SBF2: variants seen among roughly 807,000 people sequenced by gnomAD.
SBF2 encodes SET binding factor 2, also known as myotubularin-related protein 13.
A neutral mutation model predicts 225.2 loss-of-function variants in SBF2; 112 were observed. The ratio of observed to expected loss-of-function variants is 0.50; its 90% CI spans 0.43 to 0.58. SBF2 has a LOEUF of 0.58. SBF2 is among the 20% of genes least tolerant of loss of function. SBF2 has a pLI of 0.00. For missense variants in SBF2, 1,996 were observed against 2,206.2 expected (o/e 0.90, Z 1.91); for synonymous variants, 763 against 773.3 (o/e 0.99, Z 0.22).
chr11:10,144,154 C>A (rs377757251), intron 2 of SBF2, among the ~76,000 whole-genome samples: 1 of 152,148 alleles, frequency 6.6e-6, no homozygotes, highest in Non-Finnish European at 1.5e-5. Flanking sequence ...AATATATGCA[C>A]GTAGCCAAAA....
chr11:9,865,244 C>G (rs1196156289), intron 17 of SBF2, among the ~76,000 whole-genome samples: 1 of 152,050 alleles, frequency 6.6e-6, no homozygotes, highest in Non-Finnish European at 1.5e-5. Context: ...CTAGAAATAT[C>G]TCTGTAAAAA....
chr11:10,297,424 T>C (rs1037998853), upstream of SBF2, among the ~76,000 whole-genome samples: 2 of 152,208 alleles, frequency 1.3e-5, no homozygotes, highest in African/African-American at 4.8e-5. Context: ...TCCACTTTTT[T>C]AGTTTGTTTC....
intron 33 of SBF2, among the ~76,000 whole-genome samples, chr11:9,791,552 T>C (rs1025868762): frequency 1.3e-5 from 2 of 152,208 alleles, no homozygotes; most frequent in Non-Finnish European, 2.9e-5. Flanking sequence ...GTTCTCAACC[T>C]TGGACATGGA....
intron 2 of SBF2, among the ~76,000 whole-genome samples, chr11:10,111,745 C>T (rs775468873): frequency 9.2e-5 from 14 of 152,140 alleles, no homozygotes; most frequent in Non-Finnish European, 1.5e-4. Flanking sequence ...GGCGCGGTGG[C>T]GCACGCCTGT....
At chr11:10,021,648 C>T (rs1036446974) in intron 6 of SBF2, among the ~76,000 whole-genome samples, 1 of 152,092 alleles carries the variant, frequency 6.6e-6, no homozygotes, top group African/African-American at 2.4e-5. Context: ...AAAGGAAATG[C>T]TATCATTACA....
chr11:10,101,939 A>G (rs894248635), intron 2 of SBF2, among the ~76,000 whole-genome samples: 1 of 151,948 alleles, frequency 6.6e-6, no homozygotes, highest in African/African-American at 2.4e-5. Flanking sequence ...GGTCCCTGAA[A>G]CCAATACTAG....
chr11:9,950,956 A>C (rs759682305), intron 16 of SBF2, among the ~76,000 whole-genome samples: 28 of 152,226 alleles, frequency 1.8e-4, no homozygotes, highest in Non-Finnish European at 3.2e-4. Flanking sequence ...CAATATCATT[A>C]TATGTGGTTA....
intron 1 of SBF2, among the ~76,000 whole-genome samples, chr11:10,283,514 TAAAC>T (rs1442122662): frequency 1.3e-5 from 2 of 151,924 alleles, no homozygotes; most frequent in East Asian, 1.9e-4. Context: ...CTAACATACT[TAAAC>T]AGACTGATAT....
chr11:10,188,351 T>C (rs377116218), intron 2 of SBF2, among the ~76,000 whole-genome samples: 5 of 152,224 alleles, frequency 3.3e-5, no homozygotes, highest in East Asian at 3.9e-4. Context: ...TATGATACCA[T>C]GTAACGAAGT....
In SBF2 at chr11:10,029,324, T is replaced by C. The variant is rs115107939; in HGVS notation, c.513+441A>G. The stretch of plus-strand genomic sequence containing the variant: ...TGAATCTATTAATAAGTAGTTACAA[T>C]GTAACAAAGAACTGTGTTGAGAGTT... On this transcript the variant is annotated intron_variant, in intron 5 of 39. Coordinates refer to ENST00000256190, the MANE Select transcript of SBF2 (RefSeq NM_030962.4). 8.7e-3 allele frequency among the ~76,000 whole-genome samples: 1,328 copies of C among 152,312 alleles called. 25 individuals are homozygous for C. Among genetic ancestry groups the C allele is most frequent in the African/African-American group, 0.029 (1,225 of 41,566 alleles).
chr11:10,012,857 T>C (rs1285331920), intron 6 of SBF2, among the ~76,000 whole-genome samples: 1 of 152,092 alleles, frequency 6.6e-6, no homozygotes, highest in Non-Finnish European at 1.5e-5. Flanking sequence ...GCTGCTGATG[T>C]CTGGTTTAAA....
intron 16 of SBF2, among the ~76,000 whole-genome samples, chr11:9,925,394 C>T (rs1863954265): frequency 6.6e-6 from 1 of 152,180 alleles, no homozygotes; most frequent in Non-Finnish European, 1.5e-5. Context: ...TTTCCTGCCT[C>T]AGCCTCCCAA....
chr11:9,783,469 ATG>A (rs1000975628), intron 38 of SBF2, among the ~76,000 whole-genome samples: 11 of 152,296 alleles, frequency 7.2e-5, no homozygotes, highest in African/African-American at 2.6e-4. Flanking sequence ...GAGAATCAAA[ATG>A]TGTAAGCCTC....
intron 6 of SBF2, among the ~76,000 whole-genome samples, chr11:10,015,402 T>G (rs958465186): frequency 6.6e-6 from 1 of 152,204 alleles, no homozygotes; most frequent in African/African-American, 2.4e-5. Flanking sequence ...ATTTATTATT[T>G]TACTGTTGTG....
chr11:10,211,024 A>AAAAAAAAAAAAAAAAAAAAAAG (rs1957926883), intron 1 of SBF2, among the ~76,000 whole-genome samples: 1 of 148,950 alleles, frequency 6.7e-6, no homozygotes, highest in Non-Finnish European at 1.5e-5. Flanking sequence ...CAAAAAAAAA[A>AAAAAAAAAAAAAAAAAAAAAAG]AAAAAAAAAA....
At chr11:9,942,460 T>C (rs182835743) in intron 16 of SBF2, among the ~76,000 whole-genome samples, 1 of 152,342 alleles carries the variant, frequency 6.6e-6, no homozygotes, top group East Asian at 1.9e-4. Context: ...ATGGATTCAA[T>C]GTAATCTTAA....
chr11:9,865,547 G>A (rs934550372), intron 17 of SBF2, among the ~76,000 whole-genome samples: 2 of 142,666 alleles, frequency 1.4e-5, no homozygotes, highest in Admixed American at 7.2e-5. Flanking sequence ...AAAATTAGCT[G>A]GGTGTGGTGG....
At chr11:10,023,552 T>C (rs1948937703) in intron 6 of SBF2, among the ~76,000 whole-genome samples, 1 of 152,196 alleles carries the variant, frequency 6.6e-6, no homozygotes. Context: ...CTCGAGCCCC[T>C]TATAATCACT....
intron 2 of SBF2, among the ~76,000 whole-genome samples, chr11:10,176,000 C>A (rs1956445434): frequency 7.6e-6 from 1 of 131,424 alleles, no homozygotes. Context: ...ATCTCTGGGA[C>A]ACATTCAAAG....
Sources: allele counts gnomAD v4.1 joint callset (sites outside exome capture counted in the v4.1 genomes callset), GRCh38; gene constraint gnomAD v4.1.1; transcripts MANE v1.5; gene names NCBI Gene and HGNC (gene_info 2026-07-23, HGNC 2026-07-21).